The following PLA2G4B variants were observed in gnomAD, a reference collection of about 807,000 sequenced individuals.
PLA2G4B encodes phospholipase A2 group IVB.
In PLA2G4B, 122 loss-of-function variants were observed where a neutral mutation model predicts 95.8. The ratio of observed to expected loss-of-function variants is 1.27; its 90% CI spans 1.10 to 1.48. PLA2G4B has a LOEUF of 1.48. Ranked by LOEUF, PLA2G4B falls within the 40% of genes most tolerant of loss-of-function variation. The pLI, the probability that PLA2G4B is intolerant of heterozygous loss-of-function variation, is 0.00. For missense variants in PLA2G4B, 1,158 were observed against 996.2 expected (o/e 1.16, Z -2.19); for synonymous variants, 518 against 421.5 (o/e 1.23, Z -2.80).
Position 41,842,175 on chromosome 15 carries a change from A to G in PLA2G4B, c.622-18A>G, listed in dbSNP as rs773380149. On this transcript the variant is annotated intron_variant, in intron 8 of 19. Coordinates refer to ENST00000458483, the MANE Select transcript of PLA2G4B (RefSeq NM_001114633.2). ...GAAGCGTAAAGATTCTTAGGTCTGC[A>G]TTCTTTGTCCCCTGCAGGATGCCCC... 3.7e-6 allele frequency: 6 copies of G among 1,613,290 alleles called. No individual in the cohort carries two copies. The highest frequency in any genetic ancestry group is 5.1e-6 in the Non-Finnish European group (6 of 1,179,748).
chr15:41,840,187 G>A lies in PLA2G4B; in HGVS notation c.39G>A (p.Thr13=), dbSNP rs765809431. 1.1e-5 allele frequency: 17 copies of A among 1,613,174 alleles called. No individual in the cohort carries two copies. Among genetic ancestry groups the A allele is most frequent in the Admixed American group, 1.0e-4 (6 of 59,992 alleles). ...AGGTGTCCAGGACCTGCCTGCTCAC[G>A]GTTCGTGTCCTGCAGGCCCATCGCC... ...VAEVSRTCLL[T]VRVLQAHRLP... Residue 13 remains threonine, a synonymous_variant, in exon 2 of 20, where the codon ACG becomes ACA. Transcript: ENST00000458483.
intron 17 of PLA2G4B, 38 bp from the exon 18 acceptor site, chr15:41,846,631 G>C: frequency 1.3e-6 from 2 of 1,571,068 alleles, no homozygotes; most frequent in Non-Finnish European, 1.7e-6. Flanking sequence ...TGGTACCCTT[G>C]GTATCTGTGA....
At chr15:41,843,630 G>A in intron 10 of PLA2G4B, 46 bp from the exon 11 acceptor site, 1 of 1,592,944 alleles carries the variant, frequency 6.3e-7, no homozygotes, top group Non-Finnish European at 8.6e-7. Flanking sequence ...TCCATTCTCT[G>A]GGGAGGGTTG....
intron 12 of PLA2G4B, 24 bp downstream of exon 12, chr15:41,844,631 T>TG: frequency 6.2e-7 from 1 of 1,613,700 alleles, no homozygotes; most frequent in Non-Finnish European, 8.5e-7. Context: ...AGGCTGATGC[T>TG]GGACCCTGTG....
intron 10 of PLA2G4B, 86 bp downstream of exon 10, chr15:41,842,677 G>A: frequency 6.7e-7 from 1 of 1,495,292 alleles, no homozygotes; most frequent in Non-Finnish European, 9.1e-7. Flanking sequence ...GTGAGGGGGA[G>A]AAACAGCCGC....
In PLA2G4B at chr15:41,846,042, A is replaced by G; in HGVS notation, c.1595A>G (p.Asn532Ser). The change falls in exon 16 of 20, where the codon AAC (asparagine) becomes AGC (serine). Residue 532 changes from asparagine (N) to serine (S), a missense_variant. Transcript: ENST00000458483. ...GACCGCTGGGTCAGGAACCAGGCCAACCTGGGTAAGTGCTCCGGGCCCTTC... is the reference window on the plus strand; with the variant it reads ...GACCGCTGGGTCAGGAACCAGGCCAGCCTGGGTAAGTGCTCCGGGCCCTTC... ...FWDRWVRNQA[N>S]LDKEQVPLLK... 1 of 1,561,424 alleles carries G rather than the reference A, an allele frequency of 6.4e-7. No homozygotes were observed. Among genetic ancestry groups the G allele is most frequent in the South Asian group, 1.2e-5 (1 of 83,850 alleles).
At chr15:41,841,791 G>A (rs752338131) in intron 7 of PLA2G4B, 28 bp from the exon 8 acceptor site, 5 of 1,609,500 alleles carry the variant, frequency 3.1e-6, no homozygotes, top group African/African-American at 1.3e-5. Flanking sequence ...ACCGTCCCCA[G>A]CCTCTCTGCT....
chr15:41,840,316 G>C, intron 2 of PLA2G4B, 86 bp downstream of exon 2: 1 of 1,588,984 alleles, frequency 6.3e-7, no homozygotes, highest in Admixed American at 1.7e-5. Flanking sequence ...GGATTTGGTG[G>C]AGGCGGGTGG....
rs781354313 is a variant in PLA2G4B, at chr15:41,845,235, G to A, written c.1272G>A (p.Glu424=). 1 of 1,614,182 alleles carries A rather than the reference G, an allele frequency of 6.2e-7. No homozygotes were observed. The change falls in exon 14 of 20, where the codon GAG becomes GAA. Residue 424 remains glutamate, a synonymous_variant. Transcript: ENST00000458483. ...PHDHKLSDQR[E]ALSHGQNPLP... ...ATCACAAGCTCTCAGATCAACGGGA[G>A]GCCCTGAGTCATGGCCAGAACCCTC...
rs750928599 is a variant in PLA2G4B at position 41,844,898 on chromosome 15, C to T, written c.1067C>T (p.Ala356Val). 1.9e-6 allele frequency: 3 copies of T among 1,611,676 alleles called. No homozygotes were observed. Among genetic ancestry groups the T allele is most frequent in the African/African-American group, 2.7e-5 (2 of 75,032 alleles). ...CCAGAGTGGTCTCAGAAGGACCTGG[C>T]AGGGCCCACTGAGTTGCTGAAGACC... ...EDPEWSQKDL[A>V]GPTELLKTQV... is the part of the protein sequence containing the mutation. Residue 356 changes from alanine (A) to valine (V), a missense_variant, in exon 13 of 20, where the codon GCA becomes GTA. Transcript: ENST00000458483.
chr15:41,848,009 C>G lies in PLA2G4B; in HGVS notation c.*149C>G. 1 of 1,136,210 alleles carries G rather than the reference C, an allele frequency of 8.8e-7. No individual in the cohort carries two copies. Among genetic ancestry groups the G allele is most frequent in the Non-Finnish European group, 1.2e-6 (1 of 821,478 alleles). The allele number at this position is 1,136,210 out of a possible 1,614,324, so 70.4% of individuals were successfully genotyped here. ...CTGAGGGCTGGGAGCTCCCTTGCGCCTCAGCAGTTTGCAGTGGGGTAAGGA... is the reference window on the plus strand; with the variant it reads ...CTGAGGGCTGGGAGCTCCCTTGCGCGTCAGCAGTTTGCAGTGGGGTAAGGA... On this transcript the variant is annotated 3_prime_UTR_variant, in exon 20 of 20. Coordinates refer to ENST00000458483, the MANE Select transcript of PLA2G4B (RefSeq NM_001114633.2).
chr15:41,841,559 G>A lies in PLA2G4B; in HGVS notation c.478G>A (p.Gly160Arg), dbSNP rs1428840699. 6.2e-7 allele frequency: 1 copy of A among 1,613,932 alleles called. No individual in the cohort carries two copies. The highest frequency in any genetic ancestry group is 1.3e-5 in the African/African-American group (1 of 74,868). The change falls in exon 7 of 20, where the codon GGA becomes AGA. Residue 160 changes from glycine to arginine, a missense_variant. Transcript: ENST00000458483. ...CTTGCACGTTCAACTGGAGGAGACA[G>A]GAGACCAGAAGTGTGAGTCCCCAAC... ...SCLHVQLEET[G>R]DQKSSEHRVQ...
In PLA2G4B at chr15:41,843,788, G is replaced by A. The variant is rs201423154; in HGVS notation, c.856G>A (p.Asp286Asn). 6.8e-6 allele frequency: 11 copies of A among 1,613,892 alleles called. No individual in the cohort carries two copies. The East Asian group carries it at 2.0e-4, about 29-fold the overall frequency. The change falls in exon 11 of 20, where the codon GAC (aspartate) becomes AAC (asparagine). Residue 286 changes from aspartate to asparagine, a missense_variant. Coordinates refer to ENST00000458483, the MANE Select transcript of PLA2G4B (RefSeq NM_001114633.2). ...AAALRQALQL[D>N]GDLQEDEIPV... The stretch of plus-strand genomic sequence containing the variant: ...GGCCTTGAGGCAGGCCCTGCAGCTG[G>A]ACGGAGACCTGCAGGAGGATGAGGT...
At position 41,844,619 on chromosome 15, in the gene PLA2G4B, G is replaced by T. The variant is rs527431231; in HGVS notation, c.1016+12G>T. On this transcript the variant is annotated intron_variant, in intron 12 of 19. Coordinates refer to ENST00000458483, the MANE Select transcript of PLA2G4B (RefSeq NM_001114633.2). Reference sequence around the variant, plus strand: ...TCGGGCTCCACCTGGTGAGCTGGGGGCAGGCTGATGCTGGACCCTGTGTGG... The same window carrying T: ...TCGGGCTCCACCTGGTGAGCTGGGGTCAGGCTGATGCTGGACCCTGTGTGG... 6.2e-7 allele frequency: 1 copy of T among 1,613,994 alleles called. No individual in the cohort carries two copies. Among genetic ancestry groups the T allele is most frequent in the South Asian group, 1.1e-5 (1 of 91,076 alleles).
rs374422227 is a variant in PLA2G4B, at chr15:41,846,230, T to C, written c.1628T>C (p.Ile543Thr). 30 of 1,613,800 alleles carry C rather than the reference T, an allele frequency of 1.9e-5. No homozygotes were observed. The highest frequency in any genetic ancestry group is 3.3e-5 in the Admixed American group (2 of 59,996). ...LDKEQVPLLK[I>T]EEPPSTAGRI... is the part of the protein sequence containing the mutation. Reference sequence around the variant, plus strand: ...AAGGAGCAGGTCCCCCTTCTGAAGATAGAAGAACCACCCTCAACAGCCGGC... The same window carrying C: ...AAGGAGCAGGTCCCCCTTCTGAAGACAGAAGAACCACCCTCAACAGCCGGC... The change falls in exon 17 of 20, where the codon ATA (isoleucine) becomes ACA (threonine). Residue 543 changes from isoleucine (I) to threonine (T), a missense_variant. Physicochemically the swap from Ile to Thr is moderately conservative, Grantham distance 89 (BLOSUM62 -1). Transcript: ENST00000458483.
chr15:41,842,528 G>T, intron 9 of PLA2G4B, 26 bp from the exon 10 acceptor site: 1 of 1,611,746 alleles, frequency 6.2e-7, no homozygotes, highest in African/African-American at 1.3e-5. Flanking sequence ...CCGACCTTTT[G>T]TGACTGGGGC....
intron 1 of PLA2G4B, 130 bp downstream of exon 1, chr15:41,839,052 C>A: frequency 2.8e-6 from 2 of 708,850 alleles, no homozygotes; most frequent in Non-Finnish European, 4.6e-6. Context: ...ACCACAAGAC[C>A]AGGGTAGCGG....
Position 41,847,574 on chromosome 15 carries a change from CTCCGTCCCCTGTGCCTCT to C in PLA2G4B, c.2134+52_2135-57del, listed in dbSNP as rs773745185. On this transcript the variant is annotated intron_variant, in intron 19 of 19. Transcript: ENST00000458483. ...CTGCTGCCCCAGTCCCCCACACCTC[CTCCGTCCCCTGTGCCTCT>C]CCAAACCTGTCTTCCCCACAACGTG... The C allele has an allele frequency of 3.7e-6, 6 of 1,608,112 alleles. No individual in the cohort carries two copies. In the South Asian group the frequency reaches 5.5e-5, roughly 15 times the overall value.
chr15:41,847,055 G>C (rs541451506), intron 18 of PLA2G4B, among the ~76,000 whole-genome samples: 2 of 152,104 alleles, frequency 1.3e-5, no homozygotes, highest in Non-Finnish European at 2.9e-5. Flanking sequence ...TTACTGACCT[G>C]CGAGGTGTGG....
Sources: gnomAD v4.1 joint callset for allele counts (sites outside exome capture counted in the v4.1 genomes callset) on GRCh38, gnomAD v4.1.1 for gene constraint, MANE v1.5 for transcripts, NCBI Gene and HGNC (gene_info 2026-07-23, HGNC 2026-07-21) for gene names.